MLEC: variants seen among roughly 807,000 people sequenced by gnomAD.
The protein encoded by MLEC is oligosaccharyltransferase complex subunit (non-catalytic).
Under a neutral mutation model 28.7 loss-of-function variants are expected in MLEC, and 7 were observed. The observed-to-expected ratio is 0.24, with a 90% CI of 0.14 to 0.46. The LOEUF is 0.46. MLEC is among the 20% of genes least tolerant of loss of function. The pLI is 0.99. For synonymous variants in MLEC, 142 were observed against 164.4 expected (o/e 0.86, Z 1.04); for missense variants, 237 against 391.1 (o/e 0.61, Z 3.32).
chr12:120,701,615 C>T lies in MLEC; in HGVS notation c.*5070C>T, dbSNP rs1306366495. Reference sequence around the variant, plus strand: ...TTTCCCATCCTCTCTCTGTGGAGGCCAAACCAACTCTTTGCCAGCAGCCAC... The same window carrying T: ...TTTCCCATCCTCTCTCTGTGGAGGCTAAACCAACTCTTTGCCAGCAGCCAC... On this transcript the variant is annotated 3_prime_UTR_variant, in exon 5 of 5. Transcript: ENST00000228506. This position sits in a 1 kb window ranked among gnomAD's most constrained non-coding sequence, Gnocchi z 4.0. 2 of 152,662 alleles carry T rather than the reference C, an allele frequency of 1.3e-5. No homozygotes were observed. The highest frequency in any genetic ancestry group is 4.8e-5 in the African/African-American group (2 of 41,436). 9.5% of individuals were successfully genotyped at this position (152,662 alleles called of 1,614,324 possible). A position where few individuals can be genotyped will look rare whatever the true frequency, so the allele number is the denominator to read the frequency against.
rs142443425 is a variant in MLEC, at chr12:120,694,581, C to T, written c.415-243C>T. 1.3e-5 allele frequency among the ~76,000 whole-genome samples: 2 copies of T among 152,236 alleles called. No homozygotes were observed. Among genetic ancestry groups the T allele is most frequent in the African/African-American group, 4.8e-5 (2 of 41,548 alleles). On this transcript the variant is annotated intron_variant, in intron 2 of 4. Transcript: ENST00000228506. The surrounding 1 kb of genome is among the most constrained non-coding windows in gnomAD (Gnocchi z 4.5). ...GTCCCTTCCTGTGAATTTCCTTCTTCCTATGCTAAGCTTTTTGTTTGTATT... is the reference window on the plus strand; with the variant it reads ...GTCCCTTCCTGTGAATTTCCTTCTTTCTATGCTAAGCTTTTTGTTTGTATT...
In MLEC at chr12:120,687,224, C is replaced by T; in HGVS notation, c.-73C>T. ...CGGAGCGGCCCGTGGCGCTGTTTTT[C>T]TGAGTCCGGGGTGGCCTGGCAGCCG... On this transcript the variant is annotated 5_prime_UTR_variant, in exon 1 of 5. Transcript: ENST00000228506. This position sits in a 1 kb window ranked among gnomAD's most constrained non-coding sequence, Gnocchi z 8.1. 7.6e-7 allele frequency: 1 copy of T among 1,316,010 alleles called. No homozygotes were observed. Among genetic ancestry groups the T allele is most frequent in the Non-Finnish European group, 9.6e-7 (1 of 1,036,282 alleles). The allele number at this position is 1,316,010 out of a possible 1,614,324, so 81.5% of individuals were successfully genotyped here. A position where few individuals can be genotyped will look rare whatever the true frequency, so the allele number is the denominator to read the frequency against.
intron 1 of MLEC, among the ~76,000 whole-genome samples, chr12:120,691,862 A>G (rs890068853): frequency 1.3e-5 from 2 of 148,210 alleles, no homozygotes; most frequent in South Asian, 4.3e-4. Flanking sequence ...ACTTGGCAAG[A>G]AAAAAAAAAA....
chr12:120,695,194 G>C (rs1882186410), intron 4 of MLEC, 42 bp downstream of exon 4: 1 of 1,610,186 alleles, frequency 6.2e-7, no homozygotes, highest in East Asian at 2.2e-5. Flanking sequence ...TGAGTGGAGG[G>C]ATATGGTTGA....
At position 120,694,574 on chromosome 12, in the gene MLEC, CCTT is replaced by C. The variant is rs1207046064; in HGVS notation, c.415-245_415-243del. Among the ~76,000 whole-genome samples, 1 of 152,122 alleles carries C rather than the reference CCTT, an allele frequency of 6.6e-6. No homozygotes were observed. The highest frequency in any genetic ancestry group is 1.5e-5 in the Non-Finnish European group (1 of 68,024). On this transcript the variant is annotated intron_variant, in intron 2 of 4. Transcript: ENST00000228506. This position sits in a 1 kb window ranked among gnomAD's most constrained non-coding sequence, Gnocchi z 4.5. ...TTCCTCTGTCCCTTCCTGTGAATTT[CCTT>C]CTTCCTATGCTAAGCTTTTTGTTTG...
chr12:120,695,760 C>A (rs1882208149), intron 4 of MLEC, among the ~76,000 whole-genome samples: 1 of 152,220 alleles, frequency 6.6e-6, no homozygotes. Flanking sequence ...CTTTCCCCAA[C>A]TCAATCTTGA....
Position 120,694,749 on chromosome 12 carries a change from G to A in MLEC, c.415-75G>A, listed in dbSNP as rs1002226760. Reference sequence around the variant, plus strand: ...ATTTTTGAACTTCAAGCCCAAACACGTGCATGATGTCCAACTGCTTGAAAG... The same window carrying A: ...ATTTTTGAACTTCAAGCCCAAACACATGCATGATGTCCAACTGCTTGAAAG... On this transcript the variant is annotated intron_variant, in intron 2 of 4. Coordinates refer to ENST00000228506, the MANE Select transcript of MLEC (RefSeq NM_014730.4). This position sits in a 1 kb window ranked among gnomAD's most constrained non-coding sequence, Gnocchi z 4.5. The A allele has an allele frequency of 7.2e-6, 10 of 1,386,160 alleles. No homozygotes were observed. Among genetic ancestry groups the A allele is most frequent in the East Asian group, 2.3e-5 (1 of 43,470 alleles). 85.9% of individuals were successfully genotyped at this position (1,386,160 alleles called of 1,614,324 possible).
At chr12:120,690,998 A>G (rs1443369463) in intron 1 of MLEC, among the ~76,000 whole-genome samples, 1 of 152,210 alleles carries the variant, frequency 6.6e-6, no homozygotes, top group Non-Finnish European at 1.5e-5. Context: ...CACTGGAGAA[A>G]GAAGTGATCC....
In MLEC at chr12:120,694,114, C is replaced by A. The variant is rs1415940160; in HGVS notation, c.259C>A (p.Pro87Thr). The A allele has an allele frequency of 1.9e-6, 3 of 1,613,860 alleles. No homozygotes were observed. The highest frequency in any genetic ancestry group is 2.5e-6 in the Non-Finnish European group (3 of 1,179,922). ...AGCCTCAGACTATGGCATGAAACTG[C>A]CAATCCTGCGTTCCAACCCTGAGGA... ...GRASDYGMKL[P>T]ILRSNPEDQI... Residue 87 changes from proline (P) to threonine (T), a missense_variant, in exon 2 of 5, where the codon CCA becomes ACA. Transcript: ENST00000228506. The surrounding 1 kb of genome is among the most constrained non-coding windows in gnomAD (Gnocchi z 4.5).
intron 1 of MLEC, among the ~76,000 whole-genome samples, chr12:120,690,554 C>T (rs1882001475): frequency 6.6e-6 from 1 of 152,200 alleles, no homozygotes; most frequent in Non-Finnish European, 1.5e-5. Context: ...TGTAAACTCT[C>T]CTGTCCAGAG....
chr12:120,691,089 G>C (rs2137414854), intron 1 of MLEC, among the ~76,000 whole-genome samples: 1 of 152,340 alleles, frequency 6.6e-6, no homozygotes, highest in Non-Finnish European at 1.5e-5. Flanking sequence ...TTACAGCTGT[G>C]TTCTCATGGA....
At chr12:120,690,533 T>A (rs1050113578) in intron 1 of MLEC, among the ~76,000 whole-genome samples, 2 of 152,246 alleles carry the variant, frequency 1.3e-5, no homozygotes, top group Non-Finnish European at 2.9e-5. Context: ...TTTAGAAATT[T>A]CTGATAAGAC....
In MLEC at chr12:120,687,680, T is replaced by A; in HGVS notation, c.235+149T>A. 1.9e-6 allele frequency: 1 copy of A among 528,002 alleles called. No homozygotes were observed. The highest frequency in any genetic ancestry group is 3.1e-6 in the Non-Finnish European group (1 of 321,440). The allele number at this position is 528,002 out of a possible 1,614,324, so 32.7% of individuals were successfully genotyped here. A position where few individuals can be genotyped will look rare whatever the true frequency, so the allele number is the denominator to read the frequency against. ...CTGCAGCTTCTTCGGGGGCCCGCTC[T>A]GAGCTCAGGGCCTGGCACTGGCTCC... On this transcript the variant is annotated intron_variant, in intron 1 of 4. Coordinates refer to ENST00000228506, the MANE Select transcript of MLEC (RefSeq NM_014730.4). The surrounding 1 kb of genome is among the most constrained non-coding windows in gnomAD (Gnocchi z 8.1).
chr12:120,693,915 C>A (rs1188950791), intron 1 of MLEC, 176 bp from the exon 2 acceptor site: 1 of 565,306 alleles, frequency 1.8e-6, no homozygotes, highest in Non-Finnish European at 3.1e-6. Flanking sequence ...ATAGTAATGG[C>A]TGTATGATTC....
chr12:120,700,568 C>G lies in MLEC; in HGVS notation c.*4023C>G, dbSNP rs1882408462. On this transcript the variant is annotated 3_prime_UTR_variant, in exon 5 of 5. Transcript: ENST00000228506. The surrounding 1 kb of genome is among the most constrained non-coding windows in gnomAD (Gnocchi z 4.0). Reference sequence around the variant, plus strand: ...ACACGGAAGCAGAACCGGAAACACCCAGGAACTGTTCAGAAATCTCAGAAG... The same window carrying G: ...ACACGGAAGCAGAACCGGAAACACCGAGGAACTGTTCAGAAATCTCAGAAG... 1 of 152,118 alleles carries G rather than the reference C, an allele frequency of 6.6e-6. No individual in the cohort carries two copies. The allele number at this position is 152,118 out of a possible 1,614,324, so 9.4% of individuals were successfully genotyped here. A position where few individuals can be genotyped will look rare whatever the true frequency, so the allele number is the denominator to read the frequency against.
Position 120,697,419 on chromosome 12 carries a change from C to T in MLEC, c.*874C>T, listed in dbSNP as rs7958698. On this transcript the variant is annotated 3_prime_UTR_variant, in exon 5 of 5. Transcript: ENST00000228506. The surrounding 1 kb of genome is among the most constrained non-coding windows in gnomAD (Gnocchi z 4.8). ...GAAGGAGACACGGGGATTTGGGGTT[C>T]TCTGCTTGAATGTCTTCTCCTTTAC... 14,960 of 152,578 alleles carry T rather than the reference C, an allele frequency of 0.098. 1,892 individuals are homozygous for T. Among genetic ancestry groups the T allele is most frequent in the African/African-American group, 0.29 (12,088 of 41,418 alleles). The allele number at this position is 152,578 out of a possible 1,614,324, so 9.5% of individuals were successfully genotyped here.
Position 120,699,516 on chromosome 12 carries a change from T to G in MLEC, c.*2971T>G, listed in dbSNP as rs1566016083. ...GCTCTGACTTAGGTCAGGGGCCTGT[T>G]GGTCTCTCATTGGACGTTTTTGGGT... On this transcript the variant is annotated 3_prime_UTR_variant, in exon 5 of 5. Coordinates refer to ENST00000228506, the MANE Select transcript of MLEC (RefSeq NM_014730.4). 6.6e-6 allele frequency: 1 copy of G among 152,280 alleles called. No homozygotes were observed. The highest frequency in any genetic ancestry group is 1.5e-5 in the Non-Finnish European group (1 of 68,068). 9.4% of individuals were successfully genotyped at this position (152,280 alleles called of 1,614,324 possible).
rs1185780912 is a variant in MLEC at position 120,694,298 on chromosome 12, C to G, written c.414+29C>G. On this transcript the variant is annotated intron_variant, in intron 2 of 4. Coordinates refer to ENST00000228506, the MANE Select transcript of MLEC (RefSeq NM_014730.4). This position sits in a 1 kb window ranked among gnomAD's most constrained non-coding sequence, Gnocchi z 4.5. ...AGGCCTAGTCAGGCTGCTGCTTGAC[C>G]AGTAGGACATTGCTGCTCTTGGACA... 1.2e-6 allele frequency: 2 copies of G among 1,605,098 alleles called. No individual in the cohort carries two copies.
rs544939529 is a variant in MLEC at position 120,695,228 on chromosome 12, G to T, written c.649+76G>T. 24 of 1,518,050 alleles carry T rather than the reference G, an allele frequency of 1.6e-5. No homozygotes were observed. The African/African-American group carries it at 2.9e-4, about 18-fold the overall frequency. 94.0% of individuals were successfully genotyped at this position (1,518,050 alleles called of 1,614,324 possible). A position where few individuals can be genotyped will look rare whatever the true frequency, so the allele number is the denominator to read the frequency against. ...GAGGAAGCCCTTGGGAGGTAATTGA[G>T]CTGATGACTATTTTGGAAACACTTA... On this transcript the variant is annotated intron_variant, in intron 4 of 4. Coordinates refer to ENST00000228506, the MANE Select transcript of MLEC (RefSeq NM_014730.4).
Sources: gnomAD v4.1 joint callset for allele counts (sites outside exome capture counted in the v4.1 genomes callset) on GRCh38, gnomAD v4.1.1 for gene constraint, Gnocchi (gnomAD v3.1) non-coding constraint, MANE v1.5 for transcripts, NCBI Gene and HGNC (gene_info 2026-07-23, HGNC 2026-07-21) for gene names.